Variants in ZFTRAF1 observed in about 807,000 individuals in gnomAD.
ZFTRAF1 encodes zinc finger TRAF-type-containing protein 1.
the ZFTRAF1 span, chr8:144,452,211 G>A: frequency 1.1e-6 from 1 of 892,356 alleles, no homozygotes; most frequent in South Asian, 1.4e-5. Flanking sequence ...CGACCGAGGT[G>A]TCCACCTGTC....
chr8:144,462,299 T>G, the ZFTRAF1 span: 2 of 596,936 alleles, frequency 3.4e-6, no homozygotes, highest in Admixed American at 5.6e-5. Context: ...CACGGAGGCC[T>G]TGGGCAGGTC....
chr8:144,461,030 T>G, the ZFTRAF1 span, among the ~76,000 whole-genome samples: 1 of 152,156 alleles, frequency 6.6e-6, no homozygotes, highest in African/African-American at 2.4e-5. Context: ...CTCTGAAAAG[T>G]GCTCCCCTAG....
At chr8:144,450,578 A>T in the ZFTRAF1 span, 1 of 718,170 alleles carries the variant, frequency 1.4e-6, no homozygotes, top group Non-Finnish European at 2.6e-6. Flanking sequence ...GGAGCACTCC[A>T]GCGGTGCCGT....
chr8:144,452,864 G>T, the ZFTRAF1 span, among the ~76,000 whole-genome samples: 11 of 152,192 alleles, frequency 7.2e-5, no homozygotes, highest in East Asian at 2.1e-3. Flanking sequence ...CTCACTGCAG[G>T]AGACTTGGTG....
chr8:144,459,464 G>A, the ZFTRAF1 span, among the ~76,000 whole-genome samples: 1 of 152,276 alleles, frequency 6.6e-6, no homozygotes, highest in Non-Finnish European at 1.5e-5. Context: ...AGGACTCGGC[G>A]GTGGCGGAAA....
At chr8:144,460,268 G>A in the ZFTRAF1 span, among the ~76,000 whole-genome samples, 11 of 152,348 alleles carry the variant, frequency 7.2e-5, no homozygotes, top group African/African-American at 1.7e-4. Context: ...CAGCGCCTTC[G>A]GTCTCCATTA....
the ZFTRAF1 span, chr8:144,456,938 CA>C: frequency 6.8e-6 from 1 of 146,688 alleles, no homozygotes. Flanking sequence ...AATGACATCA[CA>C]GGGGATGACA....
the ZFTRAF1 span, chr8:144,462,204 G>T: frequency 2.2e-6 from 1 of 458,158 alleles, no homozygotes; most frequent in Non-Finnish European, 3.8e-6. Flanking sequence ...TGGCCTCCGA[G>T]GAGACGCGGA....
the ZFTRAF1 span, chr8:144,453,349 T>C: frequency 6.4e-7 from 1 of 1,551,160 alleles, no homozygotes; most frequent in South Asian, 1.2e-5. Context: ...CAGCAGAGGC[T>C]CTTACTGATC....
chr8:144,451,439 T>A, the ZFTRAF1 span: 5 of 153,776 alleles, frequency 3.3e-5, no homozygotes, highest in Non-Finnish European at 7.2e-5. Flanking sequence ...GAGGCCCCGG[T>A]ATCTCCAGGA....
chr8:144,450,459 T>C, the ZFTRAF1 span: 2 of 718,056 alleles, frequency 2.8e-6, no homozygotes, highest in Non-Finnish European at 2.6e-6. Flanking sequence ...ACGGAGTCAA[T>C]GATGGGCAGT....
At chr8:144,462,320 G>C in the ZFTRAF1 span, 2 of 588,750 alleles carry the variant, frequency 3.4e-6, no homozygotes, top group East Asian at 3.6e-5. Flanking sequence ...CAGGCACACG[G>C]TGCAGCACAG....
chr8:144,450,133 TCTC>T, the ZFTRAF1 span: 1 of 502,736 alleles, frequency 2.0e-6, no homozygotes, highest in African/African-American at 1.9e-5. Context: ...TGGTGCACCG[TCTC>T]CTCTTCGGGT....
the ZFTRAF1 span, among the ~76,000 whole-genome samples, chr8:144,458,387 A>G: frequency 3.9e-5 from 6 of 152,370 alleles, no homozygotes; most frequent in Admixed American, 3.3e-4. Context: ...TGTTTTAGAT[A>G]CCTAAGCAGA....
At chr8:144,453,381 G>A in the ZFTRAF1 span, 2 of 1,551,184 alleles carry the variant, frequency 1.3e-6, no homozygotes, top group Non-Finnish European at 1.7e-6. Context: ...ATTGGGGCAC[G>A]TGGCCTGCTC....
the ZFTRAF1 span, among the ~76,000 whole-genome samples, chr8:144,460,476 C>T: frequency 6.6e-6 from 1 of 152,256 alleles, no homozygotes; most frequent in African/African-American, 2.4e-5. Context: ...CCATCACCAC[C>T]AGGTCCAGCT....
chr8:144,452,461 G>C, the ZFTRAF1 span: 1 of 1,549,290 alleles, frequency 6.5e-7, no homozygotes, highest in Non-Finnish European at 8.7e-7. Flanking sequence ...ATCTCCATCA[G>C]CTCACTGCCT....
the ZFTRAF1 span, chr8:144,450,013 A>G: frequency 3.8e-6 from 1 of 265,278 alleles, no homozygotes; most frequent in Non-Finnish European, 7.3e-6. Flanking sequence ...GCCCCGCCGG[A>G]ACCCGCAGGG....
chr8:144,457,980 C>T, the ZFTRAF1 span: 12 of 152,370 alleles, frequency 7.9e-5, no homozygotes, highest in Non-Finnish European at 1.5e-4. Flanking sequence ...ACCCCAAAAG[C>T]GCTGCTCAGC....
Sources: gnomAD v4.1 joint callset for allele counts (sites outside exome capture counted in the v4.1 genomes callset) on GRCh38, gnomAD v4.1.1 for gene constraint, MANE v1.5 for transcripts, NCBI Gene and HGNC (gene_info 2026-07-23, HGNC 2026-07-21) for gene names.